NELL1: variants seen among roughly 807,000 people sequenced by gnomAD.
The protein encoded by NELL1 is protein kinase C-binding protein NELL1.
A neutral mutation model predicts 107.4 loss-of-function variants in NELL1; 76 were observed. The ratio of observed to expected loss-of-function variants is 0.71; its 90% CI spans 0.59 to 0.86. The LOEUF (loss-of-function observed/expected upper bound fraction) is 0.86, where lower values mean the gene tolerates loss of function less well. NELL1 is among the 40% of genes least tolerant of loss of function. NELL1 has a pLI of 0.00. For synonymous variants in NELL1, 353 were observed against 341.2 expected, an observed-to-expected ratio of 1.03 and a Z score of -0.38; for missense variants, 1,024 against 1,005.5, an observed-to-expected ratio of 1.02 and a Z score of -0.25.
intron 12 of NELL1, among the ~76,000 whole-genome samples, chr11:21,064,294 C>T (rs1024311346): frequency 1.3e-5 from 2 of 152,128 alleles, no homozygotes; most frequent in East Asian, 1.9e-4. Flanking sequence ...AATAAATTTA[C>T]ACAGGCTGCT....
At chr11:20,925,274 TG>T (rs1850468499) in intron 7 of NELL1, among the ~76,000 whole-genome samples, 1 of 151,998 alleles carries the variant, frequency 6.6e-6, no homozygotes, top group Admixed American at 6.6e-5. Flanking sequence ...GCTGGAGTTT[TG>T]TTGTATTAAT....
Position 21,570,749 on chromosome 11 carries a change from T to A in NELL1, c.1981-15T>A, listed in dbSNP as rs1366407282. 1 of 1,608,952 alleles carries A rather than the reference T, an allele frequency of 6.2e-7. No individual in the cohort carries two copies. The highest frequency in any genetic ancestry group is 8.5e-7 in the Non-Finnish European group (1 of 1,176,986). On this transcript the variant is annotated splice_polypyrimidine_tract_variant and intron_variant, in intron 17 of 19. Coordinates refer to ENST00000357134, the MANE Select transcript of NELL1 (RefSeq NM_006157.5). ...TCCTAAATGATGAAACCTCCTTAAC[T>A]TCATTTCTAAACAGGATGGCAAGAT...
chr11:21,029,325 A>G (rs1852895671), intron 12 of NELL1, among the ~76,000 whole-genome samples: 1 of 152,182 alleles, frequency 6.6e-6, no homozygotes, highest in African/African-American at 2.4e-5. Flanking sequence ...ACGTCACATT[A>G]CAACGTCTAT....
At chr11:21,244,371 C>T (rs1858438416) in intron 14 of NELL1, among the ~76,000 whole-genome samples, 1 of 151,906 alleles carries the variant, frequency 6.6e-6, no homozygotes, top group South Asian at 2.1e-4. Flanking sequence ...AGAGAAGAGC[C>T]CATGCATTCT....
intron 15 of NELL1, among the ~76,000 whole-genome samples, chr11:21,447,321 C>T (rs1187001781): frequency 1.3e-5 from 2 of 152,136 alleles, no homozygotes; most frequent in South Asian, 4.2e-4. Flanking sequence ...ATTCTTCCCT[C>T]ACCTTTTCTC....
chr11:21,328,133 C>A (rs1020829001), intron 14 of NELL1, among the ~76,000 whole-genome samples: 3 of 152,122 alleles, frequency 2.0e-5, no homozygotes, highest in African/African-American at 4.8e-5. Context: ...TTATCAGAGA[C>A]CTTCATGGCA....
At chr11:21,056,142 C>A (rs1180796688) in intron 12 of NELL1, among the ~76,000 whole-genome samples, 1 of 152,154 alleles carries the variant, frequency 6.6e-6, no homozygotes, top group African/African-American at 2.4e-5. Flanking sequence ...GCCCAGATCA[C>A]AGAGACAGTA....
intron 8 of NELL1, 93 bp from the exon 9 acceptor site, chr11:20,928,284 A>T (rs925010914): frequency 3.5e-6 from 4 of 1,137,768 alleles, no homozygotes; most frequent in African/African-American, 1.5e-5. Context: ...TGTTTCCCTG[A>T]TGAGGTTTCT....
intron 13 of NELL1, among the ~76,000 whole-genome samples, chr11:21,206,680 G>T (rs559186041): frequency 6.6e-6 from 1 of 152,042 alleles, no homozygotes; most frequent in African/African-American, 2.4e-5. Flanking sequence ...CTGATGAAGG[G>T]GGAGGAAAAG....
At chr11:21,212,842 G>A (rs775597635) in intron 13 of NELL1, among the ~76,000 whole-genome samples, 3 of 152,150 alleles carry the variant, frequency 2.0e-5, no homozygotes, top group Non-Finnish European at 4.4e-5. Flanking sequence ...GGGCAACATA[G>A]CACTGGAAGT....
chr11:21,175,993 C>G (rs1274272715), intron 13 of NELL1, among the ~76,000 whole-genome samples: 2 of 151,750 alleles, frequency 1.3e-5, no homozygotes, highest in African/African-American at 2.4e-5. Context: ...ACTCCAGGTT[C>G]AGGGGCTTTT....
chr11:21,093,283 C>G (rs1041698788), intron 12 of NELL1, among the ~76,000 whole-genome samples: 2 of 152,190 alleles, frequency 1.3e-5, no homozygotes, highest in Non-Finnish European at 2.9e-5. Flanking sequence ...AGGGATTATT[C>G]TGGTAACCCA....
chr11:21,455,353 G>C (rs1253770469), intron 15 of NELL1, among the ~76,000 whole-genome samples: 5 of 126,766 alleles, frequency 3.9e-5, no homozygotes, highest in Admixed American at 1.9e-4. Context: ...GAGAGAGAGA[G>C]ACACGGCCTT....
At chr11:20,742,058 C>T (rs547626808) in intron 2 of NELL1, among the ~76,000 whole-genome samples, 12 of 152,178 alleles carry the variant, frequency 7.9e-5, no homozygotes, top group African/African-American at 2.4e-4. Context: ...AAGAAACCAG[C>T]GAAGGAGCAT....
chr11:21,463,363 A>G (rs1853947800), intron 15 of NELL1, among the ~76,000 whole-genome samples: 1 of 152,136 alleles, frequency 6.6e-6, no homozygotes, highest in African/African-American at 2.4e-5. Context: ...ATATTGAACT[A>G]TAGCCTCACC....
intron 3 of NELL1, among the ~76,000 whole-genome samples, chr11:20,835,504 A>G (rs1848516993): frequency 6.6e-6 from 1 of 152,230 alleles, no homozygotes; most frequent in African/African-American, 2.4e-5. Flanking sequence ...ATATGTATCA[A>G]ATTGAAAACA....
rs573993032 is a variant in NELL1, at chr11:20,739,711, G to T, written c.185-43969G>T. 2.6e-5 allele frequency among the ~76,000 whole-genome samples: 4 copies of T among 152,260 alleles called. No homozygotes were observed. The South Asian group carries it at 8.3e-4, about 32-fold the overall frequency. Reference sequence around the variant, plus strand: ...ATGTTAATGGACATGTTCCCGCACTGCCATTCCCTGGGCAGAGAGACAAAG... The same window carrying T: ...ATGTTAATGGACATGTTCCCGCACTTCCATTCCCTGGGCAGAGAGACAAAG... On this transcript the variant is annotated intron_variant, in intron 2 of 19. Coordinates refer to ENST00000357134, the MANE Select transcript of NELL1 (RefSeq NM_006157.5).
intron 15 of NELL1, among the ~76,000 whole-genome samples, chr11:21,421,046 G>A (rs1017769007): frequency 2.6e-5 from 4 of 152,134 alleles, no homozygotes; most frequent in African/African-American, 9.7e-5. Context: ...AGAAGAAAAT[G>A]CCAAGGAAAA....
chr11:20,825,267 C>G (rs1857854817), intron 3 of NELL1, among the ~76,000 whole-genome samples: 1 of 151,428 alleles, frequency 6.6e-6, no homozygotes, highest in South Asian at 2.1e-4. Flanking sequence ...AGAGCCTCCA[C>G]ACACAATCCC....
Sources: gnomAD v4.1 joint callset for allele counts (sites outside exome capture counted in the v4.1 genomes callset) on GRCh38, gnomAD v4.1.1 for gene constraint, MANE v1.5 for transcripts, NCBI Gene and HGNC (gene_info 2026-07-23, HGNC 2026-07-21) for gene names.